MMP26: variants seen among roughly 807,000 people sequenced by gnomAD.
MMP26 encodes matrix metalloproteinase-26.
Under a neutral mutation model 31.0 loss-of-function variants are expected in MMP26, and 33 were observed. The ratio of observed to expected loss-of-function variants is 1.06; its 90% CI spans 0.81 to 1.42. MMP26 has a LOEUF of 1.42. Among genes scored for constraint, MMP26 ranks in the 40% most tolerant of loss-of-function variants. The probability of loss-of-function intolerance (pLI) is 0.00; values close to 1 mark genes in which losing one functional copy is unlikely to be tolerated. For synonymous variants in MMP26, 122 were observed against 114.9 expected, an observed-to-expected ratio of 1.06 and a Z score of -0.40; for missense variants, 347 against 316.1, an observed-to-expected ratio of 1.10 and a Z score of -0.74.
intron 1 of MMP26, among the ~76,000 whole-genome samples, chr11:4,756,399 G>T (rs1378359294): frequency 6.6e-6 from 1 of 151,998 alleles, no homozygotes; most frequent in Admixed American, 6.6e-5. Flanking sequence ...AAAGACTCCA[G>T]TGTATTGAGG....
intron 2 of MMP26, among the ~76,000 whole-genome samples, chr11:4,936,443 T>C (rs886272205): frequency 2.0e-5 from 3 of 152,168 alleles, no homozygotes; most frequent in African/African-American, 7.2e-5. Context: ...TCATTTTTTA[T>C]TGTGTCTATT....
chr11:4,808,124 A>C (rs912511311), intron 2 of MMP26, among the ~76,000 whole-genome samples: 3 of 152,038 alleles, frequency 2.0e-5, no homozygotes, highest in African/African-American at 7.3e-5. Context: ...ATTGTTTCTA[A>C]CTCACACAAA....
At chr11:4,735,932 G>A (rs969658988) in intron 1 of MMP26, among the ~76,000 whole-genome samples, 3 of 152,012 alleles carry the variant, frequency 2.0e-5, no homozygotes, top group Admixed American at 2.0e-4. Context: ...CAAACCTTTA[G>A]TAACATTTTC....
At chr11:4,958,966 C>G (rs975554984) in intron 2 of MMP26, among the ~76,000 whole-genome samples, 2 of 152,114 alleles carry the variant, frequency 1.3e-5, no homozygotes, top group Admixed American at 1.3e-4. Flanking sequence ...AGGCCGGGCG[C>G]GGTGGCTCAC....
intron 2 of MMP26, among the ~76,000 whole-genome samples, chr11:4,772,792 G>A (rs1017860507): frequency 1.3e-5 from 2 of 152,186 alleles, no homozygotes; most frequent in Admixed American, 1.3e-4. Flanking sequence ...CCTTTATAGA[G>A]AAGCTGCACA....
chr11:4,745,333 A>G (rs922391470), intron 1 of MMP26, among the ~76,000 whole-genome samples: 6 of 152,238 alleles, frequency 3.9e-5, no homozygotes, highest in African/African-American at 1.4e-4. Flanking sequence ...CTGGCTGAGT[A>G]TCAGGTATAC....
intron 1 of MMP26, among the ~76,000 whole-genome samples, chr11:4,750,502 A>G (rs1848434540): frequency 6.6e-6 from 1 of 152,096 alleles, no homozygotes; most frequent in South Asian, 2.1e-4. Context: ...TCACAATAGT[A>G]AAATATGGAA....
At chr11:4,722,891 C>T (rs943981315) in intron 1 of MMP26, 5 of 792,522 alleles carry the variant, frequency 6.3e-6, no homozygotes, top group Non-Finnish European at 1.1e-5. Flanking sequence ...GAGGCCAGGG[C>T]TTGTGAGGCC....
rs540572047 is a variant in MMP26 at position 4,838,315 on chromosome 11, T to TAAAAAAAAAA, written c.-145+71006_-145+71015dup. Among the ~76,000 whole-genome samples, 9 of 27,416 alleles carry TAAAAAAAAAA rather than the reference T, an allele frequency of 3.3e-4. 2 individuals carry two copies. Among genetic ancestry groups the TAAAAAAAAAA allele is most frequent in the South Asian group, 1.7e-3 (1 of 590 alleles). The allele number at this position is 27,416 out of a possible 152,430, so 18.0% of individuals were successfully genotyped here. A position where few individuals can be genotyped will look rare whatever the true frequency, so the allele number is the denominator to read the frequency against. On this transcript the variant is annotated intron_variant, in intron 2 of 7. Transcript: ENST00000380390. ...CCAGGGCACAGGGCAAGACTCTGTC[T>TAAAAAAAAAA]AAAAAAAAAAAAAAAAAAAAAAAAA...
At chr11:4,829,067 T>A (rs551167271) in intron 2 of MMP26, among the ~76,000 whole-genome samples, 163 of 152,278 alleles carry the variant, frequency 1.1e-3, no homozygotes, top group African/African-American at 3.6e-3. Context: ...TAACTAGGAC[T>A]GACATTTTCC....
intron 2 of MMP26, chr11:4,915,284 C>A (rs778896766): frequency 6.2e-7 from 1 of 1,613,796 alleles, no homozygotes; most frequent in Admixed American, 1.7e-5. Context: ...AGCCACAAAG[C>A]GGTCAAAGGC....
At chr11:4,966,778 T>A (rs1035254725) in intron 2 of MMP26, among the ~76,000 whole-genome samples, 1 of 152,198 alleles carries the variant, frequency 6.6e-6, no homozygotes, top group African/African-American at 2.4e-5. Context: ...CTGTTGAGAC[T>A]TTGTAGTCAA....
At chr11:4,885,887 C>A (rs1850539965) in intron 2 of MMP26, among the ~76,000 whole-genome samples, 1 of 151,946 alleles carries the variant, frequency 6.6e-6, no homozygotes, top group Non-Finnish European at 1.5e-5. Context: ...TTTACATATG[C>A]TTTCTTAGGT....
At chr11:4,811,763 A>G (rs1465769129) in intron 2 of MMP26, among the ~76,000 whole-genome samples, 1 of 152,136 alleles carries the variant, frequency 6.6e-6, no homozygotes, top group Non-Finnish European at 1.5e-5. Flanking sequence ...CCCAAATGCC[A>G]CTTGACTCTA....
intron 2 of MMP26, among the ~76,000 whole-genome samples, chr11:4,784,380 T>A (rs1848906652): frequency 6.6e-6 from 1 of 152,212 alleles, no homozygotes; most frequent in African/African-American, 2.4e-5. Context: ...CTAAAAGCTA[T>A]GCCCAAGTTG....
At chr11:4,963,859 A>G (rs1295792764) in intron 2 of MMP26, among the ~76,000 whole-genome samples, 1 of 152,088 alleles carries the variant, frequency 6.6e-6, no homozygotes, top group Non-Finnish European at 1.5e-5. Context: ...CATTTCTCTA[A>G]TGATCAGTGA....
chr11:4,826,477 T>C (rs1477375849), intron 2 of MMP26, among the ~76,000 whole-genome samples: 5 of 152,066 alleles, frequency 3.3e-5, no homozygotes, highest in Non-Finnish European at 7.4e-5. Context: ...GGTTATGCCA[T>C]TGTTGTTTCA....
intron 2 of MMP26, chr11:4,945,130 G>T (rs1253236450): frequency 3.3e-5 from 5 of 151,814 alleles, no homozygotes. Flanking sequence ...GAATAAACCA[G>T]CAATGAAAGA....
At chr11:4,818,299 G>C (rs1359327748) in intron 2 of MMP26, among the ~76,000 whole-genome samples, 1 of 152,086 alleles carries the variant, frequency 6.6e-6, no homozygotes, top group Non-Finnish European at 1.5e-5. Context: ...TTCTATGCTA[G>C]ATTTTATTTC....
Sources: gnomAD v4.1 joint callset for allele counts (sites outside exome capture counted in the v4.1 genomes callset) on GRCh38, gnomAD v4.1.1 for gene constraint, MANE v1.5 for transcripts, NCBI Gene and HGNC (gene_info 2026-07-23, HGNC 2026-07-21) for gene names.